The following FHIP2A variants were observed in gnomAD, a reference collection of about 807,000 sequenced individuals.
FHIP2A encodes the protein FHF complex subunit HOOK interacting protein 2A.
A neutral mutation model predicts 93.5 loss-of-function variants in FHIP2A; 46 were observed. That is an observed-to-expected ratio of 0.49 (90% CI 0.39 to 0.63). The LOEUF (loss-of-function observed/expected upper bound fraction) is 0.63, where lower values mean the gene tolerates loss of function less well. FHIP2A is among the 20% of genes least tolerant of loss of function. The pLI, the probability that FHIP2A is intolerant of heterozygous loss-of-function variation, is 0.00. For missense variants in FHIP2A, 769 were observed against 909.7 expected (o/e 0.85, Z 1.99); for synonymous variants, 332 against 326.5 (o/e 1.02, Z -0.18).
At chr10:114,846,869 A>T (rs1450852034) in intron 11 of FHIP2A, 141 bp downstream of exon 11, 1 of 798,428 alleles carries the variant, frequency 1.3e-6, no homozygotes, top group African/African-American at 1.8e-5. Flanking sequence ...AGATGCATTG[A>T]TACTACCATC....
At chr10:114,850,434 G>A (rs555011457) in intron 13 of FHIP2A, among the ~76,000 whole-genome samples, 2 of 152,240 alleles carry the variant, frequency 1.3e-5, no homozygotes, top group South Asian at 4.1e-4. Context: ...GGCCAAGTGT[G>A]GTGTCTCACA....
At chr10:114,844,518 C>G (rs144885252) in intron 7 of FHIP2A, among the ~76,000 whole-genome samples, 5 of 152,274 alleles carry the variant, frequency 3.3e-5, no homozygotes, top group South Asian at 2.1e-4. Flanking sequence ...GTATTTTTAA[C>G]GTGTCTTTCT....
chr10:114,856,234 A>G lies in FHIP2A; in HGVS notation c.1947+894A>G, dbSNP rs570655903. Among the ~76,000 whole-genome samples the G allele has an allele frequency of 4.6e-5, 7 of 152,318 alleles. No homozygotes were observed. In the East Asian group the frequency reaches 1.2e-3, roughly 25 times the overall value. On this transcript the variant is annotated intron_variant, in intron 14 of 16. Coordinates refer to ENST00000369248, the MANE Select transcript of FHIP2A (RefSeq NM_020940.4). ...ATTGTAATCTAAGAAGTATTTCACT[A>G]TGTTAGAGTTTAGTCAGCGTTGTTT...
At chr10:114,882,105 A>C (rs527805830) in intron 16 of FHIP2A, among the ~76,000 whole-genome samples, 2 of 152,352 alleles carry the variant, frequency 1.3e-5, no homozygotes, top group South Asian at 2.1e-4. Flanking sequence ...CGCTGTGAGC[A>C]TAAGTCTGCT....
chr10:114,876,289 G>A (rs554639560), intron 16 of FHIP2A, among the ~76,000 whole-genome samples: 1 of 152,282 alleles, frequency 6.6e-6, no homozygotes, highest in Non-Finnish European at 1.5e-5. Flanking sequence ...CGTCATCTCT[G>A]GTCCTGCTCC....
At chr10:114,853,119 A>G (rs564876824) in intron 13 of FHIP2A, among the ~76,000 whole-genome samples, 1 of 152,296 alleles carries the variant, frequency 6.6e-6, no homozygotes, top group Non-Finnish European at 1.5e-5. Flanking sequence ...GTTATAAGGT[A>G]ATAGTCAGTC....
At chr10:114,826,061 A>G (rs890515070) in intron 1 of FHIP2A, among the ~76,000 whole-genome samples, 1 of 152,244 alleles carries the variant, frequency 6.6e-6, no homozygotes, top group Non-Finnish European at 1.5e-5. Flanking sequence ...TCAAACCACA[A>G]ATCAAATGTA....
chr10:114,846,637 A>G lies in FHIP2A; in HGVS notation c.1477A>G (p.Arg493Gly), dbSNP rs2083702912. 6.2e-7 allele frequency: 1 copy of G among 1,612,322 alleles called. No individual in the cohort carries two copies. Among genetic ancestry groups the G allele is most frequent in the Non-Finnish European group, 8.5e-7 (1 of 1,179,438 alleles). ...NEHILYNLVL[R>G]NLEERNYTEY... Reference sequence around the variant, plus strand: ...GCACATTCTTTACAACTTGGTCTTGAGAAATCTTGAAGAAAGAAATTATAC... The same window carrying G: ...GCACATTCTTTACAACTTGGTCTTGGGAAATCTTGAAGAAAGAAATTATAC... Residue 493 changes from arginine (R) to glycine (G), a missense_variant, in exon 11 of 17, where the codon AGA (arginine) becomes GGA (glycine). By Grantham distance (125) the Arg-to-Gly change is moderately radical. Coordinates refer to ENST00000369248, the MANE Select transcript of FHIP2A (RefSeq NM_020940.4).
chr10:114,846,266 T>G lies in FHIP2A; in HGVS notation c.1297T>G (p.Phe433Val). 6.2e-7 allele frequency: 1 copy of G among 1,614,174 alleles called. No individual in the cohort carries two copies. The highest frequency in any genetic ancestry group is 8.5e-7 in the Non-Finnish European group (1 of 1,180,024). The change falls in exon 10 of 17, where the codon TTT becomes GTT. Residue 433 changes from phenylalanine to valine, a missense_variant. By Grantham distance (50) the Phe-to-Val change is conservative. Coordinates refer to ENST00000369248, the MANE Select transcript of FHIP2A (RefSeq NM_020940.4). ...TGTTTTGCTTCAAGAAATGGTGTTT[T>G]TTATCCTTGGAGAACAGAGGGAACC... ...SDVLLQEMVF[F>V]ILGEQREPET...
intron 13 of FHIP2A, 103 bp from the exon 14 acceptor site, chr10:114,855,094 C>T: frequency 8.2e-7 from 1 of 1,222,368 alleles, no homozygotes; most frequent in Non-Finnish European, 1.1e-6. Flanking sequence ...AGCAGACATT[C>T]TGCATTCAAA....
intron 5 of FHIP2A, among the ~76,000 whole-genome samples, chr10:114,840,393 CA>C (rs2083662234): frequency 6.6e-6 from 1 of 152,172 alleles, no homozygotes; most frequent in Non-Finnish European, 1.5e-5. Flanking sequence ...CTTTGAATGA[CA>C]AGGTGAAGAG....
At position 114,855,190 on chromosome 10, in the gene FHIP2A, C is replaced by A; in HGVS notation, c.1804-7C>A. On this transcript the variant is annotated splice_polypyrimidine_tract_variant and splice_region_variant and intron_variant, in intron 13 of 16. Coordinates refer to ENST00000369248, the MANE Select transcript of FHIP2A (RefSeq NM_020940.4). ...CTTTAATGATTCACATGCTTTTTTC[C>A]CCCTAGTTCCGAGACTACTGTGCTA... 1 of 1,589,392 alleles carries A rather than the reference C, an allele frequency of 6.3e-7. No individual in the cohort carries two copies. The highest frequency in any genetic ancestry group is 1.2e-5 in the South Asian group (1 of 86,010).
At chr10:114,893,782 T>C (rs950292864) in intron 16 of FHIP2A, among the ~76,000 whole-genome samples, 3 of 152,056 alleles carry the variant, frequency 2.0e-5, no homozygotes, top group Admixed American at 6.6e-5. Flanking sequence ...TATACGAACA[T>C]AGAATTTCAT....
At chr10:114,833,546 T>C (rs374096150) in intron 3 of FHIP2A, 144 bp downstream of exon 3, 19 of 747,558 alleles carry the variant, frequency 2.5e-5, no homozygotes, top group South Asian at 7.0e-5. Context: ...AAAAGAAAAT[T>C]GTGTAGCCTA....
intron 7 of FHIP2A, 111 bp downstream of exon 7, chr10:114,844,048 A>C (rs1320645520): frequency 4.1e-6 from 3 of 727,522 alleles, no homozygotes; most frequent in Non-Finnish European, 4.3e-6. Context: ...GAACACCACT[A>C]GTGATCATTA....
chr10:114,862,030 A>C lies in FHIP2A; in HGVS notation c.*490A>C. On this transcript the variant is annotated 3_prime_UTR_variant, in exon 17 of 17. Transcript: ENST00000369248. ...AAACAAAATATGAAAACTGTAAATG[A>C]GAAAAAAATACAATTCAGAAACCAT... The C allele has an allele frequency of 1.0e-6, 1 of 967,890 alleles. No individual in the cohort carries two copies. The highest frequency in any genetic ancestry group is 1.2e-6 in the Non-Finnish European group (1 of 813,592). 60.0% of individuals were successfully genotyped at this position (967,890 alleles called of 1,614,324 possible).
intron 16 of FHIP2A, among the ~76,000 whole-genome samples, chr10:114,870,997 T>C (rs556622112): frequency 3.3e-5 from 5 of 151,286 alleles, no homozygotes; most frequent in African/African-American, 9.7e-5. Flanking sequence ...AATGGGTCCA[T>C]AGCAATTGAT....
chr10:114,880,717 C>G (rs1364094260), intron 16 of FHIP2A, among the ~76,000 whole-genome samples: 2 of 81,678 alleles, frequency 2.4e-5, no homozygotes, highest in African/African-American at 1.0e-4. Context: ...ACACAGATTC[C>G]TGGGCCCCTT....
chr10:114,880,146 C>T (rs2083909760), intron 16 of FHIP2A, among the ~76,000 whole-genome samples: 1 of 152,110 alleles, frequency 6.6e-6, no homozygotes, highest in Non-Finnish European at 1.5e-5. Context: ...CATGAAATGC[C>T]CAGAACAGAC....
Sources: allele counts gnomAD v4.1 joint callset (sites outside exome capture counted in the v4.1 genomes callset), GRCh38; gene constraint gnomAD v4.1.1; transcripts MANE v1.5; gene names NCBI Gene and HGNC (gene_info 2026-07-23, HGNC 2026-07-21).